ZNF517: variants seen among roughly 807,000 people sequenced by gnomAD.
ZNF517 encodes the protein zinc finger protein 517.
In ZNF517, 12 loss-of-function variants were observed where a neutral mutation model predicts 12.1. The observed-to-expected ratio is 0.99, with a 90% CI of 0.63 to 1.61. The LOEUF is 1.61. ZNF517 is among the 40% of genes most tolerant of loss of function. The pLI is 0.00. For missense variants in ZNF517, 781 were observed against 693.2 expected (o/e 1.13, Z -1.42); for synonymous variants, 388 against 310.2 (o/e 1.25, Z -2.63).
Position 144,799,872 on chromosome 8 carries a change from G to A in ZNF517, c.-46+935G>A, listed in dbSNP as rs574481043. Among the ~76,000 whole-genome samples, 1,318 of 152,214 alleles carry A rather than the reference G, an allele frequency of 8.7e-3. 9 individuals carry two copies. The highest frequency in any genetic ancestry group is 0.015 in the Non-Finnish European group (1,013 of 68,010). On this transcript the variant is annotated intron_variant, in intron 1 of 4. Coordinates refer to ENST00000359971, the MANE Select transcript of ZNF517 (RefSeq NM_213605.3). ...GGAGAATGGCGTGAACCCGGGAGGC[G>A]GAGCTTGCAGTGAGCCGAGATCGCG...
chr8:144,802,878 G>T lies in ZNF517; in HGVS notation c.-37G>T. 6.2e-7 allele frequency: 1 copy of T among 1,613,794 alleles called. No homozygotes were observed. On this transcript the variant is annotated 5_prime_UTR_variant, in exon 2 of 5. Transcript: ENST00000359971. The stretch of plus-strand genomic sequence containing the variant: ...GCTCTATGTTCCCTCAGAATTCACT[G>T]TCTGTAGCATCTGCTCCTCCACAGA...
chr8:144,812,695 C>T (rs894665098), downstream of ZNF517, among the ~76,000 whole-genome samples: 3 of 152,188 alleles, frequency 2.0e-5, no homozygotes, highest in African/African-American at 7.2e-5. Context: ...ATGCCCCAGA[C>T]CCAACACCTC....
At position 144,804,223 on chromosome 8, in the gene ZNF517, G is replaced by A; in HGVS notation, c.259G>A (p.Ala87Thr). Residue 87 changes from alanine to threonine, a missense_variant, in exon 4 of 5, where the codon GCC becomes ACC. Ala to Thr is a moderately conservative substitution (Grantham distance 58). Coordinates refer to ENST00000359971, the MANE Select transcript of ZNF517 (RefSeq NM_213605.3). ...LQVAEQSVAK[A>T]SLCTDSRMEA... The stretch of plus-strand genomic sequence containing the variant: ...GGTGGCTGAACAGAGCGTGGCCAAA[G>A]CCAGCCTGTGCACAGGTGAGTACAA... The A allele has an allele frequency of 6.2e-7, 1 of 1,613,686 alleles. No homozygotes were observed. The highest frequency in any genetic ancestry group is 8.5e-7 in the Non-Finnish European group (1 of 1,179,872).
rs534691612 is a variant in ZNF517, at chr8:144,807,347, G to C, written c.431G>C (p.Gly144Ala). The change falls in exon 5 of 5, where the codon GGG becomes GCG. Residue 144 changes from glycine (G) to alanine (A), a missense_variant. Transcript: ENST00000359971. Reference protein sequence around the residue: ...PPHPHGGPEDGSDKPTHPRAR... With the variant: ...PPHPHGGPEDASDKPTHPRAR... ...CACCCGCATGGCGGTCCTGAGGACG[G>C]GTCAGATAAACCCACCCACCCCCGG... 3 of 1,555,672 alleles carry C rather than the reference G, an allele frequency of 1.9e-6. No individual in the cohort carries two copies. In the African/African-American group the frequency reaches 4.1e-5, roughly 21 times the overall value.
chr8:144,799,785 AAAAAATT>A (rs1826859556), intron 1 of ZNF517, among the ~76,000 whole-genome samples: 1 of 151,988 alleles, frequency 6.6e-6, no homozygotes, highest in African/African-American at 2.4e-5. Context: ...CTAAAAATAC[AAAAAATT>A]AGCCGGGCGT....
In ZNF517 at chr8:144,802,871, A is replaced by C; in HGVS notation, c.-44A>C. ...ACTCATGGCTCTATGTTCCCTCAGA[A>C]TTCACTGTCTGTAGCATCTGCTCCT... On this transcript the variant is annotated splice_region_variant and 5_prime_UTR_variant, in exon 2 of 5. Coordinates refer to ENST00000359971, the MANE Select transcript of ZNF517 (RefSeq NM_213605.3). 6.2e-7 allele frequency: 1 copy of C among 1,613,680 alleles called. No individual in the cohort carries two copies.
intron 1 of ZNF517, among the ~76,000 whole-genome samples, chr8:144,799,274 C>A (rs1586757558): frequency 1.3e-5 from 2 of 152,312 alleles, no homozygotes; most frequent in African/African-American, 4.8e-5. Context: ...CCCTCGCTTC[C>A]GTCCGATGGC....
At position 144,808,553 on chromosome 8, in the gene ZNF517, C is replaced by T; in HGVS notation, c.*158C>T. The T allele has an allele frequency of 1.8e-6, 2 of 1,122,496 alleles. No individual in the cohort carries two copies. Among genetic ancestry groups the T allele is most frequent in the Non-Finnish European group, 1.2e-6 (1 of 868,690 alleles). 69.5% of individuals were successfully genotyped at this position (1,122,496 alleles called of 1,614,324 possible). On this transcript the variant is annotated 3_prime_UTR_variant, in exon 5 of 5. Transcript: ENST00000359971. ...CTCGGCTTCTTGCTCCAGCCGGGCA[C>T]TGGGGAGGGAAAGGGCACCAGGCAG...
Position 144,803,751 on chromosome 8 carries a change from G to T in ZNF517, c.144G>T (p.Gly48=). 1 of 1,614,086 alleles carries T rather than the reference G, an allele frequency of 6.2e-7. No homozygotes were observed. Among genetic ancestry groups the T allele is most frequent in the Non-Finnish European group, 8.5e-7 (1 of 1,179,930 alleles). The change falls in exon 3 of 5, where the codon GGG becomes GGT. Residue 48 remains glycine (G), a synonymous_variant. Transcript: ENST00000359971. ...GGGACGTGATGCTGGAGAACTATGG[G>T]AACCTGGCCTCACTAGGTGAGGGCT... ...LYRDVMLENY[G]NLASLGFLVA...
chr8:144,811,479 C>G (rs1827554655), downstream of ZNF517, among the ~76,000 whole-genome samples: 1 of 112,730 alleles, frequency 8.9e-6, no homozygotes, highest in African/African-American at 3.4e-5. Flanking sequence ...TAAAGCTCAG[C>G]CAGGTGCAGA....
At chr8:144,806,630 G>A (rs1458554088) in intron 4 of ZNF517, among the ~76,000 whole-genome samples, 8 of 150,990 alleles carry the variant, frequency 5.3e-5, no homozygotes, top group African/African-American at 1.7e-4. Flanking sequence ...GACTACAGGC[G>A]CTCGCCACCG....
At position 144,807,485 on chromosome 8, in the gene ZNF517, C is replaced by T. The variant is rs1168175935; in HGVS notation, c.569C>T (p.Ser190Leu). The T allele has an allele frequency of 9.5e-6, 15 of 1,583,830 alleles. No individual in the cohort carries two copies. Among genetic ancestry groups the T allele is most frequent in the Non-Finnish European group, 1.3e-5 (15 of 1,165,548 alleles). ...TGCGGCAAGGCGTTCAGATACAACTCGCTGCTTCTCAGGCACCAGATCATC... is the reference window on the plus strand; with the variant it reads ...TGCGGCAAGGCGTTCAGATACAACTTGCTGCTTCTCAGGCACCAGATCATC... ...CVCGKAFRYN[S>L]LLLRHQIIHT... is the part of the protein sequence containing the mutation. The change falls in exon 5 of 5, where the codon TCG (serine) becomes TTG (leucine). Residue 190 changes from serine (S) to leucine (L), a missense_variant. Coordinates refer to ENST00000359971, the MANE Select transcript of ZNF517 (RefSeq NM_213605.3).
chr8:144,803,526 G>C, intron 2 of ZNF517, 115 bp from the exon 3 acceptor site: 1 of 1,420,076 alleles, frequency 7.0e-7, no homozygotes, highest in Non-Finnish European at 9.7e-7. Context: ...GGGCCCTGTG[G>C]ATGCAGCAGT....
chr8:144,810,050 C>A lies in ZNF517; in HGVS notation c.*1655C>A. The stretch of plus-strand genomic sequence containing the variant: ...CCTGGGTGACAGGGCAAGACTCTGT[C>A]TCAAACAAATAAAAATCCCCTCTCC... On this transcript the variant is annotated 3_prime_UTR_variant, in exon 5 of 5. Transcript: ENST00000359971. The A allele has an allele frequency of 1.9e-6, 1 of 519,562 alleles. No individual in the cohort carries two copies. Among genetic ancestry groups the A allele is most frequent in the Non-Finnish European group, 3.5e-6 (1 of 281,822 alleles). The allele number at this position is 519,562 out of a possible 1,614,324, so 32.2% of individuals were successfully genotyped here.
At chr8:144,802,664 A>G in intron 1 of ZNF517, 1 of 761,080 alleles carries the variant, frequency 1.3e-6, no homozygotes, top group Non-Finnish European at 1.6e-6. Context: ...CCTCCCAGCA[A>G]GGTGAGAGCC....
downstream of ZNF517, among the ~76,000 whole-genome samples, chr8:144,812,897 G>A (rs1827597357): frequency 6.6e-6 from 1 of 152,060 alleles, no homozygotes; most frequent in African/African-American, 2.4e-5. Context: ...ATTCAGTAAA[G>A]TTGCAGGATA....
intron 3 of ZNF517, 33 bp from the exon 4 acceptor site, chr8:144,804,092 C>G (rs939505385): frequency 6.9e-6 from 11 of 1,603,722 alleles, no homozygotes; most frequent in Middle Eastern, 1.7e-4. Flanking sequence ...CCCTCCTGTA[C>G]TGATACGTGC....
intron 4 of ZNF517, among the ~76,000 whole-genome samples, chr8:144,806,945 G>A (rs1349223418): frequency 6.7e-6 from 1 of 150,312 alleles, no homozygotes; most frequent in Non-Finnish European, 1.5e-5. Flanking sequence ...TTTTAAGACA[G>A]TCTCACTCTT....
rs932642190 is a variant in ZNF517 at position 144,807,371 on chromosome 8, G to A, written c.455G>A (p.Arg152Gln). Residue 152 changes from arginine (R) to glutamine (Q), a missense_variant, in exon 5 of 5, where the codon CGG becomes CAG. Coordinates refer to ENST00000359971, the MANE Select transcript of ZNF517 (RefSeq NM_213605.3). Reference protein sequence around the residue: ...EDGSDKPTHPRAREHSASPRV... With the variant: ...EDGSDKPTHPQAREHSASPRV... Reference sequence around the variant, plus strand: ...GGGTCAGATAAACCCACCCACCCCCGGGCTCGGGAGCACAGCGCCTCCCCA... The same window carrying A: ...GGGTCAGATAAACCCACCCACCCCCAGGCTCGGGAGCACAGCGCCTCCCCA... 2 of 1,555,664 alleles carry A rather than the reference G, an allele frequency of 1.3e-6. No individual in the cohort carries two copies. Among genetic ancestry groups the A allele is most frequent in the Non-Finnish European group, 1.7e-6 (2 of 1,149,486 alleles).
Sources: allele counts gnomAD v4.1 joint callset (sites outside exome capture counted in the v4.1 genomes callset), GRCh38; gene constraint gnomAD v4.1.1; transcripts MANE v1.5; gene names NCBI Gene and HGNC (gene_info 2026-07-23, HGNC 2026-07-21).